The following MUC5B variants were observed in gnomAD, a reference collection of about 807,000 sequenced individuals.
The protein encoded by MUC5B is mucin-5B.
In MUC5B, 116 loss-of-function variants were observed where a neutral mutation model predicts 376.9. The observed-to-expected ratio is 0.31, with a 90% CI of 0.26 to 0.36. The LOEUF (loss-of-function observed/expected upper bound fraction) is 0.36. Among genes scored for constraint, MUC5B ranks in the 10% least tolerant of loss-of-function variants. The pLI, the probability that MUC5B is intolerant of heterozygous loss-of-function variation, is 1.00. For missense variants in MUC5B, 7,165 were observed against 7,769.9 expected (o/e 0.92, Z 2.93); for synonymous variants, 3,517 against 3,390.9 (o/e 1.04, Z -1.29).
In MUC5B at chr11:1,244,556, C is replaced by G. The variant is rs60787297; in HGVS notation, c.7676C>G (p.Thr2559Arg). Reference protein sequence around the residue: ...WTRLSQTTTPTATMSTATPSS... With the variant: ...WTRLSQTTTPRATMSTATPSS... ...CGCCTATCACAGACCACCACACCCA[C>G]GGCCACCATGTCCACAGCCACACCC... Residue 2559 changes from threonine (T) to arginine (R), a missense_variant, in exon 31 of 49, where the codon ACG becomes AGG. Around this residue, in one of 31 missense-constraint regions of MUC5B, gnomAD observed 194 missense variants for 268.5 expected, o/e 0.72. Coordinates refer to ENST00000529681, the MANE Select transcript of MUC5B (RefSeq NM_002458.3). 1 of 1,601,726 alleles carries G rather than the reference C, an allele frequency of 6.2e-7. No homozygotes were observed. The highest frequency in any genetic ancestry group is 1.4e-5 in the African/African-American group (1 of 73,606).
At chr11:1,252,555 C>T (rs1461019357) in intron 32 of MUC5B, 31 bp downstream of exon 32, 1 of 1,503,864 alleles carries the variant, frequency 6.6e-7, no homozygotes, top group African/African-American at 1.4e-5. Flanking sequence ...ACCTCCCGTG[C>T]TGCGTGCACA....
rs775188583 is a variant in MUC5B, at chr11:1,248,090, C to G, written c.11210C>G (p.Ser3737Cys). Residue 3737 changes from serine to cysteine, a missense_variant, in exon 31 of 49, where the codon TCC becomes TGC. Around this residue, in one of 31 missense-constraint regions of MUC5B, gnomAD observed 72 missense variants for 127.8 expected, o/e 0.56. Coordinates refer to ENST00000529681, the MANE Select transcript of MUC5B (RefSeq NM_002458.3). The stretch of plus-strand genomic sequence containing the variant: ...GCCACCGTGACGGTGCCCACCGGAT[C>G]CACGGCCACCGCCTCCTCCACCCAG... ...TTATVTVPTG[S>C]TATASSTQAT... 5 of 1,602,750 alleles carry G rather than the reference C, an allele frequency of 3.1e-6. No homozygotes were observed. Among genetic ancestry groups the G allele is most frequent in the South Asian group, 2.2e-5 (2 of 90,654 alleles).
Position 1,230,903 on chromosome 11 carries a change from C to A in MUC5B, c.1471-33C>A, listed in dbSNP as rs950197461. On this transcript the variant is annotated intron_variant, in intron 12 of 48. Transcript: ENST00000529681. ...TGAGAGTCGGGAATGGGTTCCTCCC[C>A]AGAGCTGACCTCCCGCCCGCCTCCT... 3.8e-6 allele frequency: 6 copies of A among 1,560,478 alleles called. No individual in the cohort carries two copies. In the Admixed American group the frequency reaches 9.5e-5, roughly 25 times the overall value.
In MUC5B at chr11:1,242,591, C is replaced by A. The variant is rs1263192106; in HGVS notation, c.5711C>A (p.Thr1904Asn). Residue 1904 changes from threonine to asparagine, a missense_variant, in exon 31 of 49, where the codon ACC becomes AAC. Transcript: ENST00000529681. ...ACGCCCTCCTCAACTCCGGGGACGA[C>A]CTGGATCCTCACAAAGCCGACCACA... ...TATPSSTPGT[T>N]WILTKPTTTA... The A allele has an allele frequency of 6.2e-7, 1 of 1,613,788 alleles. No individual in the cohort carries two copies.
rs546670531 is a variant in MUC5B at position 1,227,475 on chromosome 11, AG to A, written c.667+82del. On this transcript the variant is annotated intron_variant, in intron 6 of 48. Coordinates refer to ENST00000529681, the MANE Select transcript of MUC5B (RefSeq NM_002458.3). Reference sequence around the variant, plus strand: ...GAGCCACAGTCCCGGGGAGGCCGGGAGGGGGCGGAGTGGGGACCGGGCACCA... The same window carrying A: ...GAGCCACAGTCCCGGGGAGGCCGGGAGGGGCGGAGTGGGGACCGGGCACCA... 24 of 1,212,080 alleles carry A rather than the reference AG, an allele frequency of 2.0e-5. No homozygotes were observed. The South Asian group carries it at 2.8e-4, about 14-fold the overall frequency. 75.1% of individuals were successfully genotyped at this position (1,212,080 alleles called of 1,614,324 possible).
chr11:1,237,009 G>T lies in MUC5B; in HGVS notation c.3142G>T (p.Ala1048Ser). 1 of 1,573,954 alleles carries T rather than the reference G, an allele frequency of 6.4e-7. No homozygotes were observed. Among genetic ancestry groups the T allele is most frequent in the East Asian group, 2.3e-5 (1 of 43,056 alleles). Residue 1048 changes from alanine (A) to serine (S), a missense_variant, in exon 25 of 49, where the codon GCA becomes TCA. By Grantham distance (99) the Ala-to-Ser change is moderately conservative (BLOSUM62 1). Transcript: ENST00000529681. ...ATRSRSVVGD[A>S]LEFGNSWKLS... ...GCGTAGCCGGTCCGTGGTGGGGGACGCACTGGAGTTTGGGAACAGCTGGAA... is the reference window on the plus strand; with the variant it reads ...GCGTAGCCGGTCCGTGGTGGGGGACTCACTGGAGTTTGGGAACAGCTGGAA...
rs1862912617 is a variant in MUC5B, at chr11:1,258,680, TGCCA to T, written c.16594-260_16594-257del. Among the ~76,000 whole-genome samples the T allele has an allele frequency of 6.6e-6, 1 of 152,010 alleles. No homozygotes were observed. The highest frequency in any genetic ancestry group is 1.5e-5 in the Non-Finnish European group (1 of 67,962). On this transcript the variant is annotated intron_variant, in intron 43 of 48. Coordinates refer to ENST00000529681, the MANE Select transcript of MUC5B (RefSeq NM_002458.3). This position sits in a 1 kb window ranked among gnomAD's most constrained non-coding sequence, Gnocchi z 5.5. ...ATTCCTACCCGCCCGGATTCCTGCC[TGCCA>T]GATTCCTGCCCCCATGGGGTCTCTG... is the stretch of plus-strand genomic sequence containing the variant.
Position 1,228,604 on chromosome 11 carries a change from C to A in MUC5B, c.815C>A (p.Ala272Glu). 1 of 1,531,468 alleles carries A rather than the reference C, an allele frequency of 6.5e-7. No homozygotes were observed. Among genetic ancestry groups the A allele is most frequent in the Non-Finnish European group, 8.7e-7 (1 of 1,144,374 alleles). 94.9% of individuals were successfully genotyped at this position (1,531,468 alleles called of 1,614,324 possible). A position where few individuals can be genotyped will look rare whatever the true frequency, so the allele number is the denominator to read the frequency against. ...CGCACCCTGCTGGGGCCGGCCTTTG[C>A]GGAGTGCCACGCACTGGTGGACAGC... ...CHRTLLGPAF[A>E]ECHALVDSTA... The change falls in exon 8 of 49, where the codon GCG (alanine) becomes GAG (glutamate). Residue 272 changes from alanine (A) to glutamate (E), a missense_variant. By Grantham distance (107) the Ala-to-Glu change is moderately radical. Around this residue, in one of 31 missense-constraint regions of MUC5B, gnomAD observed 640 missense variants for 733.0 expected, o/e 0.87. Transcript: ENST00000529681.
At chr11:1,260,308 G>A in intron 46 of MUC5B, 43 bp from the exon 47 acceptor site, 1 of 1,599,078 alleles carries the variant, frequency 6.3e-7, no homozygotes, top group Non-Finnish European at 8.6e-7. Flanking sequence ...CCACCAGGGA[G>A]GCCCCGCCCA....
chr11:1,228,557 TC>T lies in MUC5B; in HGVS notation c.775-3del. On this transcript the variant is annotated splice_polypyrimidine_tract_variant and splice_region_variant and intron_variant, in intron 7 of 48. Transcript: ENST00000529681. ...GGGTGCCCAGCCTGGCCCACTGTGCTCCCCAGGAGGGCATCTGCCACCGCAC... is the reference window on the plus strand; with the variant it reads ...GGGTGCCCAGCCTGGCCCACTGTGCTCCCAGGAGGGCATCTGCCACCGCAC... The T allele has an allele frequency of 6.6e-7, 1 of 1,509,772 alleles. No homozygotes were observed. The highest frequency in any genetic ancestry group is 8.9e-7 in the Non-Finnish European group (1 of 1,129,046). The allele number at this position is 1,509,772 out of a possible 1,614,324, so 93.5% of individuals were successfully genotyped here. A position where few individuals can be genotyped will look rare whatever the true frequency, so the allele number is the denominator to read the frequency against.
chr11:1,232,295 T>C, intron 15 of MUC5B, 135 bp downstream of exon 15: 1 of 1,350,748 alleles, frequency 7.4e-7, no homozygotes. Context: ...CAGGAGGAGG[T>C]GCTTGGGGCC....
At chr11:1,255,347 C>A in intron 36 of MUC5B, 36 bp from the exon 37 acceptor site, 1 of 1,552,176 alleles carries the variant, frequency 6.4e-7, no homozygotes, top group Non-Finnish European at 8.7e-7. Flanking sequence ...CTCCCTGGGG[C>A]TGGGGGCCCT....
rs780499533 is a variant in MUC5B, at chr11:1,238,826, G to T, written c.3298-45G>T. On this transcript the variant is annotated intron_variant, in intron 25 of 48. Coordinates refer to ENST00000529681, the MANE Select transcript of MUC5B (RefSeq NM_002458.3). ...CCTGGGCCAGCCACCCCCTGGCCGG[G>T]GGGGCCATTGTCCCGGCTGAGCTGC... The T allele has an allele frequency of 3.3e-6, 5 of 1,533,498 alleles. No individual in the cohort carries two copies. The South Asian group carries it at 6.0e-5, about 18-fold the overall frequency. 95.0% of individuals were successfully genotyped at this position (1,533,498 alleles called of 1,614,324 possible).
At chr11:1,232,328 C>G in intron 15 of MUC5B, 122 bp from the exon 16 acceptor site, 1 of 1,351,714 alleles carries the variant, frequency 7.4e-7, no homozygotes, top group Non-Finnish European at 1.0e-6. Context: ...CCCCCCAAGG[C>G]GCAGCAGGTG....
chr11:1,232,797 G>A (rs749366227), intron 17 of MUC5B, 27 bp downstream of exon 17: 9 of 1,574,658 alleles, frequency 5.7e-6, no homozygotes, highest in Non-Finnish European at 7.8e-6. Context: ...GGGGTGGGAT[G>A]TGTCCACACC....
chr11:1,246,186 C>A lies in MUC5B; in HGVS notation c.9306C>A (p.Thr3102=). The change falls in exon 31 of 49, where the codon ACC becomes ACA. Residue 3102 remains threonine (T), a synonymous_variant. Coordinates refer to ENST00000529681, the MANE Select transcript of MUC5B (RefSeq NM_002458.3). ...STIHPSSTPE[T]THTSTVLTTK... ...TCCACCCCTCCTCCACTCCGGAGAC[C>A]ACCCACACCTCCACAGTGCTGACCA... is the stretch of plus-strand genomic sequence containing the variant. The A allele has an allele frequency of 6.2e-7, 1 of 1,612,320 alleles. No individual in the cohort carries two copies. Among genetic ancestry groups the A allele is most frequent in the South Asian group, 1.1e-5 (1 of 90,974 alleles).
chr11:1,239,987 G>A (rs749496056), intron 28 of MUC5B, 44 bp downstream of exon 28: 1 of 1,608,084 alleles, frequency 6.2e-7, no homozygotes, highest in Admixed American at 1.7e-5. Flanking sequence ...GCAGGGCTGG[G>A]GAGCAGGCCC....
rs1862883293 is a variant in MUC5B, at chr11:1,257,854, G to T, written c.16450+144G>T. The T allele has an allele frequency of 9.3e-7, 1 of 1,076,888 alleles. No homozygotes were observed. The highest frequency in any genetic ancestry group is 2.6e-5 in the East Asian group (1 of 38,314). The allele number at this position is 1,076,888 out of a possible 1,614,324, so 66.7% of individuals were successfully genotyped here. The stretch of plus-strand genomic sequence containing the variant: ...GACCGCGGCAGGACCACTCGGCAGA[G>T]ATGGCCTCCAGGTGCTTCATTCTCC... On this transcript the variant is annotated intron_variant, in intron 41 of 48. Coordinates refer to ENST00000529681, the MANE Select transcript of MUC5B (RefSeq NM_002458.3). The surrounding 1 kb of genome is among the most constrained non-coding windows in gnomAD (Gnocchi z 8.9).
chr11:1,227,567 C>A (rs562635105), intron 6 of MUC5B, 108 bp from the exon 7 acceptor site: 14 of 676,430 alleles, frequency 2.1e-5, no homozygotes, highest in Admixed American at 8.5e-5. Context: ...GGGTGTTGGG[C>A]CCTAGGCAGG....
Sources: gnomAD v4.1 joint callset for allele counts (sites outside exome capture counted in the v4.1 genomes callset) on GRCh38, gnomAD v4.1.1 for gene constraint, gnomAD v4.1.1 regional missense constraint, Gnocchi (gnomAD v3.1) non-coding constraint, MANE v1.5 for transcripts, NCBI Gene and HGNC (gene_info 2026-07-23, HGNC 2026-07-21) for gene names.